Variants in SLC25A26 observed in about 807,000 individuals in gnomAD.
SLC25A26 encodes solute carrier family 25 member 26.
Under a neutral mutation model 37.8 loss-of-function variants are expected in SLC25A26, and 36 were observed. The ratio of observed to expected loss-of-function variants is 0.95; its 90% CI spans 0.73 to 1.26. SLC25A26 has a LOEUF of 1.26. Ranked by LOEUF, SLC25A26 falls within the 50% of genes most tolerant of loss-of-function variation. The pLI, the probability that SLC25A26 is intolerant of heterozygous loss-of-function variation, is 0.00. For missense variants in SLC25A26, 390 were observed against 331.1 expected, an observed-to-expected ratio of 1.18 and a Z score of -1.38; for synonymous variants, 129 against 122.5, an observed-to-expected ratio of 1.05 and a Z score of -0.35.
intron 1 of SLC25A26, among the ~76,000 whole-genome samples, chr3:66,135,106 C>T (rs539968861): frequency 1.3e-5 from 2 of 152,272 alleles, no homozygotes; most frequent in African/African-American, 2.4e-5. Context: ...GCTGGGATTA[C>T]AGGAGTGAGC....
At chr3:66,220,910 C>T (rs1036200477), upstream of SLC25A26, 12 of 664,840 alleles carry the variant, frequency 1.8e-5, no homozygotes, top group Non-Finnish European at 2.9e-5. Context: ...GGCCCCGCCC[C>T]TCCTCTCTGG....
chr3:66,238,147 C>T (rs1247738774), intron 2 of SLC25A26, among the ~76,000 whole-genome samples: 1 of 152,184 alleles, frequency 6.6e-6, no homozygotes, highest in African/African-American at 2.4e-5. Context: ...AATTTGTCCA[C>T]TTTGGAATCA....
chr3:66,320,117 A>G (rs2075654753), intron 5 of SLC25A26, among the ~76,000 whole-genome samples: 1 of 152,206 alleles, frequency 6.6e-6, no homozygotes, highest in South Asian at 2.1e-4. Flanking sequence ...TTAAAAATAT[A>G]TAAACTAAAA....
chr3:66,206,537 A>G (rs2071179589), intron 1 of SLC25A26, among the ~76,000 whole-genome samples: 1 of 152,220 alleles, frequency 6.6e-6, no homozygotes, highest in African/African-American at 2.4e-5. Flanking sequence ...ACAATCTGCA[A>G]GGCTGTACAT....
chr3:66,214,981 C>T (rs1159764162), intron 1 of SLC25A26, among the ~76,000 whole-genome samples: 2 of 152,028 alleles, frequency 1.3e-5, no homozygotes, highest in Admixed American at 6.6e-5. Context: ...TACAAAAATT[C>T]GGGCATGGTG....
At chr3:66,284,673 A>T (rs1430976758) in intron 5 of SLC25A26, among the ~76,000 whole-genome samples, 1 of 152,238 alleles carries the variant, frequency 6.6e-6, no homozygotes, top group Non-Finnish European at 1.5e-5. Flanking sequence ...ACATGGATCA[A>T]TCTCAACAAA....
At chr3:66,317,369 G>A (rs549316434) in intron 5 of SLC25A26, among the ~76,000 whole-genome samples, 1 of 152,216 alleles carries the variant, frequency 6.6e-6, no homozygotes, top group East Asian at 1.9e-4. Context: ...TCTTCTGTAG[G>A]ACTACTGCAG....
chr3:66,165,738 T>C (rs2070416160), intron 1 of SLC25A26, among the ~76,000 whole-genome samples: 1 of 152,202 alleles, frequency 6.6e-6, no homozygotes, highest in South Asian at 2.1e-4. Context: ...CAATTCTTTG[T>C]TCTCTGAAGT....
At chr3:66,299,258 C>G (rs1430273518) in intron 5 of SLC25A26, among the ~76,000 whole-genome samples, 4 of 152,138 alleles carry the variant, frequency 2.6e-5, no homozygotes, top group African/African-American at 9.7e-5. Flanking sequence ...GTGGCACAGT[C>G]TCGACTCACT....
At chr3:66,234,110 CT>C (rs2072160716) in intron 1 of SLC25A26, among the ~76,000 whole-genome samples, 1 of 148,392 alleles carries the variant, frequency 6.7e-6, no homozygotes, top group Non-Finnish European at 1.5e-5. Context: ...AGAGATGAGT[CT>C]CCCTGTGTTG....
At chr3:66,223,569 G>T (rs1304330115) in intron 1 of SLC25A26, among the ~76,000 whole-genome samples, 1 of 152,160 alleles carries the variant, frequency 6.6e-6, no homozygotes, top group Non-Finnish European at 1.5e-5. Context: ...AGGGAGTTTG[G>T]TTTTGCTTAC....
chr3:66,184,092 C>A (rs2070768615), intron 1 of SLC25A26, among the ~76,000 whole-genome samples: 1 of 152,020 alleles, frequency 6.6e-6, no homozygotes, highest in African/African-American at 2.4e-5. Context: ...AGACCCTGCT[C>A]CACACCCTCC....
chr3:66,221,539 C>T (rs1305099789), intron 1 of SLC25A26, among the ~76,000 whole-genome samples: 1 of 152,114 alleles, frequency 6.6e-6, no homozygotes, highest in Admixed American at 6.5e-5. Flanking sequence ...CTACGTTTCT[C>T]ATTTTGCTGC....
At chr3:66,375,134 C>G (rs1435092497) in intron 9 of SLC25A26, among the ~76,000 whole-genome samples, 1 of 152,202 alleles carries the variant, frequency 6.6e-6, no homozygotes, top group Admixed American at 6.5e-5. Flanking sequence ...ACAACATCCC[C>G]TTAAGCCAAA....
At chr3:66,208,788 A>G (rs1465459116) in intron 1 of SLC25A26, among the ~76,000 whole-genome samples, 3 of 114,424 alleles carry the variant, frequency 2.6e-5, no homozygotes, top group Non-Finnish European at 5.6e-5. Flanking sequence ...ATATGGGTAT[A>G]TATATACACA....
upstream of SLC25A26, among the ~76,000 whole-genome samples, chr3:66,216,790 G>A (rs2071368247): frequency 6.6e-6 from 1 of 151,938 alleles, no homozygotes; most frequent in South Asian, 2.1e-4. Context: ...CATGTGTAAT[G>A]CAAATCAGTG....
At chr3:66,268,144 C>T (rs1158387077) in intron 5 of SLC25A26, among the ~76,000 whole-genome samples, 1 of 152,124 alleles carries the variant, frequency 6.6e-6, no homozygotes, top group Non-Finnish European at 1.5e-5. Flanking sequence ...CATAGTAGTC[C>T]ATTGTATAAA....
intron 1 of SLC25A26, among the ~76,000 whole-genome samples, chr3:66,207,589 C>T (rs889731714): frequency 1.3e-5 from 2 of 152,200 alleles, no homozygotes; most frequent in East Asian, 1.9e-4. Context: ...TGGACCTCAT[C>T]TCTAAATTCC....
intron 1 of SLC25A26, among the ~76,000 whole-genome samples, chr3:66,156,492 G>A (rs1379173342): frequency 2.0e-5 from 3 of 152,172 alleles, no homozygotes; most frequent in Admixed American, 6.5e-5. Context: ...GCCACTTAGT[G>A]TCCTGTTCTG....
Sources: allele counts gnomAD v4.1 joint callset (sites outside exome capture counted in the v4.1 genomes callset), GRCh38; gene constraint gnomAD v4.1.1; transcripts MANE v1.5; gene names NCBI Gene and HGNC (gene_info 2026-07-23, HGNC 2026-07-21).